Variants in HHIPL1 observed in about 807,000 individuals in gnomAD.
HHIPL1 encodes HHIP-like protein 1.
Under a neutral mutation model 61.8 loss-of-function variants are expected in HHIPL1, and 43 were observed. The ratio of observed to expected loss-of-function variants is 0.70; its 90% confidence interval spans 0.55 to 0.90. The LOEUF (loss-of-function observed/expected upper bound fraction) is 0.90. Ranked by LOEUF, HHIPL1 falls within the 40% of genes least tolerant of loss-of-function variation. HHIPL1 has a pLI of 0.00. For synonymous variants in HHIPL1, 482 were observed against 515.8 expected, an observed-to-expected ratio of 0.93 and a Z score of 0.89; for missense variants, 1,056 against 1,157.7, an observed-to-expected ratio of 0.91 and a Z score of 1.28.
At chr14:99,666,359 C>T (rs1483960619) in intron 6 of HHIPL1, among the ~76,000 whole-genome samples, 1 of 152,184 alleles carries the variant, frequency 6.6e-6, no homozygotes, top group Non-Finnish European at 1.5e-5. Context: ...CAGCCCTGGG[C>T]GGGCTTGGCA....
At chr14:99,670,026 C>A (rs1952425) in intron 7 of HHIPL1, among the ~76,000 whole-genome samples, 30,376 of 152,152 alleles carry the variant, frequency 0.2, 3,060 homozygotes, top group Middle Eastern at 0.31. Context: ...ATTATGAACA[C>A]CTCACATTAC....
chr14:99,628,581 CA>C, the HHIPL1 span, among the ~76,000 whole-genome samples: 184 of 53,544 alleles, frequency 3.4e-3, no homozygotes, highest in East Asian at 4.9e-3. Flanking sequence ...AACTCCAACT[CA>C]AAAAAAAAAA....
the HHIPL1 span, among the ~76,000 whole-genome samples, chr14:99,622,450 C>T: frequency 2.6e-5 from 4 of 152,228 alleles, no homozygotes; most frequent in African/African-American, 7.2e-5. Context: ...GCTTGCTCCC[C>T]GACAACTGTC....
intron 7 of HHIPL1, 127 bp from the exon 8 acceptor site, chr14:99,672,190 G>C: frequency 1.4e-6 from 1 of 691,710 alleles, no homozygotes; most frequent in Non-Finnish European, 2.6e-6. Flanking sequence ...AGGCCACACA[G>C]TAGGTGCATG....
At chr14:99,647,932 C>T (rs542908638) in intron 1 of HHIPL1, among the ~76,000 whole-genome samples, 1 of 152,312 alleles carries the variant, frequency 6.6e-6, no homozygotes, top group East Asian at 1.9e-4. Context: ...TGAGCTTCCA[C>T]ATCGCTAACC....
the HHIPL1 span, among the ~76,000 whole-genome samples, chr14:99,613,695 G>A: frequency 6.6e-6 from 1 of 151,986 alleles, no homozygotes; most frequent in Non-Finnish European, 1.5e-5. Context: ...GATCACTTGA[G>A]GTGAGGAGTT....
chr14:99,633,021 G>GGTGA, the HHIPL1 span, among the ~76,000 whole-genome samples: 1 of 150,942 alleles, frequency 6.6e-6, no homozygotes, highest in East Asian at 2.0e-4. Context: ...CTGGCCAAGT[G>GGTGA]GTGAGTGGGT....
the HHIPL1 span, among the ~76,000 whole-genome samples, chr14:99,622,974 G>A: frequency 1.4e-4 from 21 of 152,246 alleles, no homozygotes; most frequent in Non-Finnish European, 3.1e-4. Context: ...ACAGTGCAAA[G>A]TGCCATGAAC....
At chr14:99,637,252 GAAAGAAAGAAA>G in the HHIPL1 span, among the ~76,000 whole-genome samples, 32 of 144,934 alleles carry the variant, frequency 2.2e-4, no homozygotes, top group African/African-American at 8.4e-4. Context: ...AAGAAAGAAA[GAAAGAAAGAAA>G]GAAAAAGTGT....
the HHIPL1 span, among the ~76,000 whole-genome samples, chr14:99,620,803 T>C: frequency 6.6e-6 from 1 of 152,224 alleles, no homozygotes; most frequent in Non-Finnish European, 1.5e-5. Flanking sequence ...GCAGGGCCCA[T>C]CTCTGGAGCA....
At chr14:99,636,074 G>A in the HHIPL1 span, among the ~76,000 whole-genome samples, 13 of 152,188 alleles carry the variant, frequency 8.5e-5, no homozygotes, top group Admixed American at 4.6e-4. Flanking sequence ...GTTCAAATCC[G>A]GACCCCTCCA....
chr14:99,627,975 GA>G, the HHIPL1 span, among the ~76,000 whole-genome samples: 2 of 152,200 alleles, frequency 1.3e-5, no homozygotes, highest in African/African-American at 2.4e-5. The surrounding 1 kb of genome is among the most constrained non-coding windows in gnomAD (Gnocchi z 4.4). Context: ...TAGGCAGTGG[GA>G]GGGGCGGCTG....
At chr14:99,647,679 G>C (rs1285006730) in intron 1 of HHIPL1, among the ~76,000 whole-genome samples, 2 of 152,210 alleles carry the variant, frequency 1.3e-5, no homozygotes, top group African/African-American at 4.8e-5. Flanking sequence ...ATGCTGGCGG[G>C]AGGACCATGC....
At chr14:99,664,904 AT>A (rs1419799830) in intron 6 of HHIPL1, among the ~76,000 whole-genome samples, 30 of 134,092 alleles carry the variant, frequency 2.2e-4, no homozygotes, top group Admixed American at 7.4e-4. Flanking sequence ...GAAATTGTCC[AT>A]TTTTTTTTTC....
the HHIPL1 span, among the ~76,000 whole-genome samples, chr14:99,612,753 G>A: frequency 6.6e-6 from 1 of 152,030 alleles, no homozygotes; most frequent in African/African-American, 2.4e-5. Context: ...TTTTTCTCTG[G>A]GACTCTCAGT....
intron 7 of HHIPL1, among the ~76,000 whole-genome samples, chr14:99,669,801 T>C (rs985387802): frequency 6.6e-6 from 1 of 152,160 alleles, no homozygotes; most frequent in African/African-American, 2.4e-5. Context: ...GGCGCACATC[T>C]ATAGTCCCAG....
At chr14:99,611,819 C>T in the HHIPL1 span, among the ~76,000 whole-genome samples, 5 of 151,926 alleles carry the variant, frequency 3.3e-5, no homozygotes, top group East Asian at 7.7e-4. Context: ...ATGAACTTTG[C>T]TCACATCTAT....
chr14:99,617,825 G>C, the HHIPL1 span, among the ~76,000 whole-genome samples: 2 of 152,136 alleles, frequency 1.3e-5, no homozygotes, highest in African/African-American at 2.4e-5. Context: ...AGTTTGCAAA[G>C]CACTCTCTGG....
the HHIPL1 span, among the ~76,000 whole-genome samples, chr14:99,621,036 G>A: frequency 2.0e-5 from 3 of 152,376 alleles, no homozygotes; most frequent in Middle Eastern, 3.4e-3. Flanking sequence ...TATAGAGGAA[G>A]TGCTTGCTGT....
Sources: allele counts gnomAD v4.1 joint callset (sites outside exome capture counted in the v4.1 genomes callset), GRCh38; gene constraint gnomAD v4.1.1; non-coding constraint Gnocchi (gnomAD v3.1); transcripts MANE v1.5; gene names NCBI Gene and HGNC (gene_info 2026-07-23, HGNC 2026-07-21).